The following QSOX1 variants were observed in gnomAD, a reference collection of about 807,000 sequenced individuals.
QSOX1 encodes the protein quiescin sulfhydryl oxidase 1, also known as sulfhydryl oxidase 1.
In QSOX1, 40 loss-of-function variants were observed where a neutral mutation model predicts 76.1. The ratio of observed to expected loss-of-function variants is 0.53; its 90% CI spans 0.41 to 0.68. The LOEUF is 0.68. Among genes scored for constraint, QSOX1 ranks in the 30% least tolerant of loss-of-function variants. The pLI, the probability that QSOX1 is intolerant of heterozygous loss-of-function variation, is 0.00. For synonymous variants in QSOX1, 392 were observed against 413.1 expected (o/e 0.95, Z 0.62); for missense variants, 931 against 974.3 (o/e 0.96, Z 0.59).
chr1:180,195,197 G>A (rs1375162991), intron 11 of QSOX1, among the ~76,000 whole-genome samples: 1 of 152,084 alleles, frequency 6.6e-6, no homozygotes, highest in East Asian at 1.9e-4. Context: ...GACCTCGGCA[G>A]GCTCCCAGCT....
At chr1:180,165,269 C>T (rs922878014) in intron 1 of QSOX1, among the ~76,000 whole-genome samples, 2 of 152,220 alleles carry the variant, frequency 1.3e-5, no homozygotes, top group African/African-American at 4.8e-5. Context: ...GCCCCTGGGG[C>T]ATGAGCTTCA....
intron 2 of QSOX1, among the ~76,000 whole-genome samples, chr1:180,169,478 T>C (rs966453740): frequency 1.3e-5 from 2 of 152,196 alleles, no homozygotes; most frequent in African/African-American, 4.8e-5. Context: ...CACTTATCAG[T>C]GCCCCAGCCG....
rs1663480324 is a variant in QSOX1 at position 180,196,157 on chromosome 1, C to T, written c.1469-105C>T. The T allele has an allele frequency of 1.4e-6, 2 of 1,394,114 alleles. No homozygotes were observed. Among genetic ancestry groups the T allele is most frequent in the East Asian group, 4.6e-5 (2 of 43,056 alleles). The allele number at this position is 1,394,114 out of a possible 1,614,324, so 86.4% of individuals were successfully genotyped here. The stretch of plus-strand genomic sequence containing the variant: ...CATCCTCTGGAAGGGCAGTGGCGAG[C>T]CCTTTCTGCAGACAAGGAAGCTGGC... On this transcript the variant is annotated intron_variant, in intron 11 of 11. Coordinates refer to ENST00000367602, the MANE Select transcript of QSOX1 (RefSeq NM_002826.5). This position sits in a 1 kb window ranked among gnomAD's most constrained non-coding sequence, Gnocchi z 4.1.
At chr1:180,163,553 A>G (rs6689602) in intron 1 of QSOX1, among the ~76,000 whole-genome samples, 9,348 of 152,292 alleles carry the variant, frequency 0.061, 374 homozygotes, top group East Asian at 0.16. Context: ...ACCCAATTAT[A>G]TTCTCTATGC....
At position 180,175,952 on chromosome 1, in the gene QSOX1, C is replaced by T. The variant is rs779309103; in HGVS notation, c.434C>T (p.Thr145Ile). Residue 145 changes from threonine (T) to isoleucine (I), a missense_variant, in exon 4 of 12, where the codon ACA (threonine) becomes ATA (isoleucine). By Grantham distance (89) the Thr-to-Ile change is moderately conservative. Transcript: ENST00000367602. ...ACAGTGGCTGGTGCTGACGTGCAGA[C>T]ACTGCGGGAGAGGCTCATTGACGCC... ...VFPVAGADVQ[T>I]LRERLIDALE... The T allele has an allele frequency of 1.1e-5, 18 of 1,596,706 alleles. No individual in the cohort carries two copies. Among genetic ancestry groups the T allele is most frequent in the Non-Finnish European group, 1.5e-5 (18 of 1,172,510 alleles).
intron 4 of QSOX1, 37 bp downstream of exon 4, chr1:180,176,070 C>A: frequency 6.7e-7 from 1 of 1,491,856 alleles, no homozygotes; most frequent in Non-Finnish European, 9.2e-7. Context: ...GCATTGTGGG[C>A]CAGGATCCCA....
rs145323931 is a variant in QSOX1, at chr1:180,178,078, T to C, written c.516-716T>C. Reference sequence around the variant, plus strand: ...GTGACTTGTCACAGTTCCAGACTTATAGCTGTTGGGTTCTAATACCCCCCA... The same window carrying C: ...GTGACTTGTCACAGTTCCAGACTTACAGCTGTTGGGTTCTAATACCCCCCA... On this transcript the variant is annotated intron_variant, in intron 4 of 11. Coordinates refer to ENST00000367602, the MANE Select transcript of QSOX1 (RefSeq NM_002826.5). Among the ~76,000 whole-genome samples, 92 of 152,292 alleles carry C rather than the reference T, an allele frequency of 6.0e-4. 1 individual carries two copies. Among genetic ancestry groups the C allele is most frequent in the African/African-American group, 2.1e-3 (88 of 41,564 alleles).
At chr1:180,179,767 C>G (rs1163650194) in intron 5 of QSOX1, among the ~76,000 whole-genome samples, 2 of 152,232 alleles carry the variant, frequency 1.3e-5, no homozygotes, top group Non-Finnish European at 2.9e-5. Flanking sequence ...TGAAACTCAA[C>G]AAGCACAGCT....
Position 180,194,487 on chromosome 1 carries a change from A to C in QSOX1, c.1468+95A>C, listed in dbSNP as rs1663410677. 11 of 1,249,248 alleles carry C rather than the reference A, an allele frequency of 8.8e-6. No homozygotes were observed. In the South Asian group the frequency reaches 1.5e-4, roughly 17 times the overall value. 77.4% of individuals were successfully genotyped at this position (1,249,248 alleles called of 1,614,324 possible). On this transcript the variant is annotated intron_variant, in intron 11 of 11. Coordinates refer to ENST00000367602, the MANE Select transcript of QSOX1 (RefSeq NM_002826.5). ...TTAGGCCAAAATTTGGGGAAGGGAC[A>C]CTCATTGTCCCCTCAGTCACAGCCC...
chr1:180,167,691 C>T (rs756822016), intron 2 of QSOX1, among the ~76,000 whole-genome samples: 6 of 152,240 alleles, frequency 3.9e-5, no homozygotes, highest in Non-Finnish European at 8.8e-5. Context: ...TCAGGGCCCC[C>T]CAGGCCCCAG....
chr1:180,203,077 AT>A lies in QSOX1; in HGVS notation c.*6041del, dbSNP rs1663665410. 1 of 152,124 alleles carries A rather than the reference AT, an allele frequency of 6.6e-6. No homozygotes were observed. The highest frequency in any genetic ancestry group is 2.4e-5 in the African/African-American group (1 of 41,392). The allele number at this position is 152,124 out of a possible 1,614,324, so 9.4% of individuals were successfully genotyped here. A position where few individuals can be genotyped will look rare whatever the true frequency, so the allele number is the denominator to read the frequency against. On this transcript the variant is annotated 3_prime_UTR_variant, in exon 12 of 12. Coordinates refer to ENST00000367602, the MANE Select transcript of QSOX1 (RefSeq NM_002826.5). ...CAGAGCGAGACTCTGTCTCAAAAAA[AT>A]AAAAAAATAAAAATAAAAAAATAAA...
intron 5 of QSOX1, among the ~76,000 whole-genome samples, chr1:180,179,699 C>A (rs1298249140): frequency 6.6e-6 from 1 of 152,250 alleles, no homozygotes; most frequent in Non-Finnish European, 1.5e-5. Flanking sequence ...TGCAGGGAGA[C>A]AGGCATGAGA....
chr1:180,157,734 T>C (rs140883790), intron 1 of QSOX1, among the ~76,000 whole-genome samples: 103 of 152,364 alleles, frequency 6.8e-4, no homozygotes, highest in African/African-American at 2.4e-3. Context: ...TCTCACTGTA[T>C]GTTTTGGAAA....
At chr1:180,167,549 C>T (rs566658673) in intron 2 of QSOX1, among the ~76,000 whole-genome samples, 94 of 152,240 alleles carry the variant, frequency 6.2e-4, no homozygotes, top group Middle Eastern at 3.4e-3. Context: ...GAAGTAAGGC[C>T]GTGGCTCCAC....
chr1:180,182,865 TC>T (rs1257938964), intron 6 of QSOX1, among the ~76,000 whole-genome samples: 3 of 152,132 alleles, frequency 2.0e-5, no homozygotes, highest in Admixed American at 1.3e-4. Context: ...ATGATTGATG[TC>T]AGCCAGGCCC....
chr1:180,155,218 C>T (rs1662348142), intron 1 of QSOX1, 46 bp downstream of exon 1: 2 of 1,415,138 alleles, frequency 1.4e-6, no homozygotes, highest in East Asian at 3.0e-5. Flanking sequence ...GCCGCCCGGA[C>T]CCCTCCACCT....
intron 7 of QSOX1, 137 bp downstream of exon 7, chr1:180,184,187 C>G (rs1348701778): frequency 1.7e-6 from 2 of 1,209,754 alleles, no homozygotes; most frequent in African/African-American, 1.5e-5. Context: ...CAGGCTGTCC[C>G]CCACCCTGGG....
chr1:180,192,045 C>T (rs759998383), intron 10 of QSOX1, among the ~76,000 whole-genome samples: 2 of 152,090 alleles, frequency 1.3e-5, no homozygotes, highest in Non-Finnish European at 2.9e-5. Context: ...TAGGGCCCAC[C>T]CTAATGACCT....
At chr1:180,173,900 A>G (rs1476845653) in intron 2 of QSOX1, among the ~76,000 whole-genome samples, 2 of 152,226 alleles carry the variant, frequency 1.3e-5, no homozygotes, top group Non-Finnish European at 1.5e-5. Context: ...CATTTCAAAG[A>G]TGAGAACACA....
Sources: allele counts gnomAD v4.1 joint callset (sites outside exome capture counted in the v4.1 genomes callset), GRCh38; gene constraint gnomAD v4.1.1; non-coding constraint Gnocchi (gnomAD v3.1); transcripts MANE v1.5; gene names NCBI Gene and HGNC (gene_info 2026-07-23, HGNC 2026-07-21).